STOX1: variants seen among roughly 807,000 people sequenced by gnomAD.
STOX1 encodes the protein storkhead-box protein 1.
STOX1 carries 57 observed loss-of-function variants against 74.8 expected under a neutral mutation model. The ratio of observed to expected loss-of-function variants is 0.76; its 90% CI spans 0.62 to 0.95. The LOEUF (loss-of-function observed/expected upper bound fraction) is 0.95. Ranked by LOEUF, STOX1 falls within the 40% of genes least tolerant of loss-of-function variation. The pLI, the probability that STOX1 is intolerant of heterozygous loss-of-function variation, is 0.00. For missense variants in STOX1, 1,010 were observed against 1,117.0 expected (o/e 0.90, Z 1.37); for synonymous variants, 375 against 401.3 (o/e 0.93, Z 0.78).
chr10:68,874,629 C>G, intron 1 of STOX1, among the ~76,000 whole-genome samples: 1 of 85,756 alleles, frequency 1.2e-5, no homozygotes, highest in African/African-American at 5.6e-5. Context: ...CCACTGCACT[C>G]CAGCCTGGGC....
intron 1 of STOX1, among the ~76,000 whole-genome samples, chr10:68,833,842 G>A (rs951029352): frequency 6.6e-6 from 1 of 152,190 alleles, no homozygotes; most frequent in Non-Finnish European, 1.5e-5. Context: ...TTACTGGCGT[G>A]AGCCATTGCA....
intron 1 of STOX1, among the ~76,000 whole-genome samples, chr10:68,872,501 A>G (rs1200584923): frequency 6.6e-6 from 1 of 151,402 alleles, no homozygotes; most frequent in Admixed American, 6.6e-5. Flanking sequence ...ACCCACCACC[A>G]CGCCCAGCTA....
chr10:68,828,870 T>C, intron 1 of STOX1: 1 of 615,732 alleles, frequency 1.6e-6, no homozygotes, highest in South Asian at 7.2e-5. Context: ...CCCAGTCTTT[T>C]CAAACTTAAC....
intron 1 of STOX1, among the ~76,000 whole-genome samples, chr10:68,875,377 A>G (rs1215061513): frequency 6.6e-6 from 1 of 152,246 alleles, no homozygotes; most frequent in Non-Finnish European, 1.5e-5. Flanking sequence ...AGATCTTTCC[A>G]GTACCACAGT....
At chr10:68,849,852 G>A (rs1050901509) in intron 1 of STOX1, among the ~76,000 whole-genome samples, 14 of 152,080 alleles carry the variant, frequency 9.2e-5, no homozygotes, top group African/African-American at 3.4e-4. Context: ...GCATTTTTCC[G>A]AATCCTCTTC....
At chr10:68,878,880 C>T (rs1840742836) in intron 1 of STOX1, among the ~76,000 whole-genome samples, 1 of 152,178 alleles carries the variant, frequency 6.6e-6, no homozygotes, top group Non-Finnish European at 1.5e-5. Context: ...CTATACTTGA[C>T]TCCCCATTCA....
intron 2 of STOX1, among the ~76,000 whole-genome samples, chr10:68,882,450 C>A (rs1231522562): frequency 2.6e-5 from 4 of 151,648 alleles, no homozygotes. Context: ...CTGCTATTAT[C>A]ATTTCTTATA....
chr10:68,851,299 TAAAAAAA>T (rs35166698), intron 1 of STOX1, among the ~76,000 whole-genome samples: 70 of 108,650 alleles, frequency 6.4e-4, no homozygotes, highest in African/African-American at 1.3e-3. Flanking sequence ...TGAGACTTTC[TAAAAAAA>T]AAAAAAAAAA....
At chr10:68,870,850 TAAATGAGAGTGA>T (rs1840519933) in intron 1 of STOX1, among the ~76,000 whole-genome samples, 1 of 152,174 alleles carries the variant, frequency 6.6e-6, no homozygotes, top group African/African-American at 2.4e-5. Context: ...GCCAAAAACC[TAAATGAGAGTGA>T]AAACATTCTA....
intron 1 of STOX1, among the ~76,000 whole-genome samples, chr10:68,858,084 GT>G (rs1840170654): frequency 6.6e-6 from 1 of 152,126 alleles, no homozygotes; most frequent in Non-Finnish European, 1.5e-5. Context: ...GGGTTAGGTT[GT>G]TGTGTCAGTG....
At position 68,886,370 on chromosome 10, in the gene STOX1, T is replaced by C. The variant is rs748390951; in HGVS notation, c.2574T>C (p.Tyr858=). The change falls in exon 3 of 4, where the codon TAT becomes TAC. Residue 858 remains tyrosine (Y), a synonymous_variant. Transcript: ENST00000298596. ...APADERIFDY[Y]SARKASFEAE... ...CTGATGAAAGAATCTTTGATTACTA[T>C]AGCGCAAGAAAAGCCAGTTTTGAAG... 137 of 1,614,084 alleles carry C rather than the reference T, an allele frequency of 8.5e-5. No homozygotes were observed. Among genetic ancestry groups the C allele is most frequent in the Non-Finnish European group, 1.1e-4 (133 of 1,180,060 alleles).
chr10:68,851,860 G>A (rs2394483), intron 1 of STOX1, among the ~76,000 whole-genome samples: 12,257 of 151,214 alleles, frequency 0.081, 630 homozygotes, highest in Admixed American at 0.15. Context: ...ACAGCCGGGC[G>A]TGTTGGCTCA....
At chr10:68,861,328 C>G (rs1348751307) in intron 1 of STOX1, among the ~76,000 whole-genome samples, 1 of 152,108 alleles carries the variant, frequency 6.6e-6, no homozygotes, top group African/African-American at 2.4e-5. Context: ...CAGGGTCTGG[C>G]TTTTTATCTG....
At chr10:68,838,282 G>A (rs1351736879) in intron 1 of STOX1, among the ~76,000 whole-genome samples, 1 of 152,092 alleles carries the variant, frequency 6.6e-6, no homozygotes, top group Non-Finnish European at 1.5e-5. Flanking sequence ...GCCTAGGCTA[G>A]TGTTGAACTC....
chr10:68,841,156 A>G (rs1294528430), intron 1 of STOX1, among the ~76,000 whole-genome samples: 1 of 151,200 alleles, frequency 6.6e-6, no homozygotes, highest in African/African-American at 2.4e-5. Context: ...CATGTTGGTC[A>G]GGCTGGTCTT....
At chr10:68,853,862 T>A (rs1036358341) in intron 1 of STOX1, among the ~76,000 whole-genome samples, 7 of 151,792 alleles carry the variant, frequency 4.6e-5, no homozygotes, top group African/African-American at 1.7e-4. Context: ...ATTTTGTATT[T>A]TTAGTAGAGC....
At chr10:68,857,678 A>G (rs1374319032) in intron 1 of STOX1, among the ~76,000 whole-genome samples, 2 of 152,248 alleles carry the variant, frequency 1.3e-5, no homozygotes, top group East Asian at 1.9e-4. Flanking sequence ...TTTGGGTCAC[A>G]TTAGAAGCAG....
chr10:68,878,420 GA>G (rs1840732813), intron 1 of STOX1, among the ~76,000 whole-genome samples: 1 of 152,166 alleles, frequency 6.6e-6, no homozygotes, highest in Non-Finnish European at 1.5e-5. Flanking sequence ...CGCTTGGACA[GA>G]TTTTCAGGAC....
intron 1 of STOX1, among the ~76,000 whole-genome samples, chr10:68,864,555 C>T (rs560506224): frequency 4.5e-4 from 69 of 152,190 alleles, no homozygotes; most frequent in Non-Finnish European, 8.4e-4. Flanking sequence ...TCTGAGTTCT[C>T]CCATTTCCTA....
Sources: gnomAD v4.1 joint callset for allele counts (sites outside exome capture counted in the v4.1 genomes callset) on GRCh38, gnomAD v4.1.1 for gene constraint, MANE v1.5 for transcripts, NCBI Gene and HGNC (gene_info 2026-07-23, HGNC 2026-07-21) for gene names.